The following BCL2L14 variants were observed in gnomAD, a reference collection of about 807,000 sequenced individuals.
The protein encoded by BCL2L14 is BCL2 like 14.
Under a neutral mutation model 35.3 loss-of-function variants are expected in BCL2L14, and 27 were observed. That is an observed-to-expected ratio of 0.76 (90% CI 0.56 to 1.05). The LOEUF (loss-of-function observed/expected upper bound fraction) is 1.05, where lower values mean the gene tolerates loss of function less well. Ranked by LOEUF, BCL2L14 falls within the 50% of genes least tolerant of loss-of-function variation. The pLI, the probability that BCL2L14 is intolerant of heterozygous loss-of-function variation, is 0.00. For missense variants in BCL2L14, 377 were observed against 382.6 expected (o/e 0.99, Z 0.12); for synonymous variants, 139 against 145.9 (o/e 0.95, Z 0.34).
chr12:12,062,778 C>A (rs866586733), intron 2 of BCL2L14, among the ~76,000 whole-genome samples: 1 of 152,158 alleles, frequency 6.6e-6, no homozygotes, highest in Non-Finnish European at 1.5e-5. Flanking sequence ...CACCTCTATA[C>A]AGTCTGATAA....
At chr12:12,072,146 G>GAA (rs1948681005) in intron 1 of BCL2L14, 1 of 152,270 alleles carries the variant, frequency 6.6e-6, no homozygotes, top group African/African-American at 2.4e-5. Context: ...AGCGTAACTG[G>GAA]GGCACTGGGT....
chr12:12,070,793 T>C (rs1948658054), upstream of BCL2L14: 1 of 152,176 alleles, frequency 6.6e-6, no homozygotes, highest in Non-Finnish European at 1.5e-5. Flanking sequence ...AACACCCACC[T>C]AGTTATCCCA....
intron 5 of BCL2L14, among the ~76,000 whole-genome samples, chr12:12,098,158 G>GA (rs949762019): frequency 1.3e-5 from 2 of 152,056 alleles, no homozygotes; most frequent in African/African-American, 4.8e-5. Context: ...CCCTTAACGG[G>GA]AAAAAAAGAA....
At chr12:12,091,397 A>G (rs1949185403) in intron 4 of BCL2L14, among the ~76,000 whole-genome samples, 3 of 152,206 alleles carry the variant, frequency 2.0e-5, no homozygotes, top group Admixed American at 1.3e-4. Flanking sequence ...CTTTCCAATC[A>G]GGAACGGGTG....
intron 1 of BCL2L14, among the ~76,000 whole-genome samples, chr12:12,050,293 C>T (rs531108186): frequency 5.3e-5 from 8 of 151,798 alleles, no homozygotes; most frequent in Non-Finnish European, 8.8e-5. Context: ...ATTAGCTGGG[C>T]GTGGTGGCGG....
chr12:12,095,789 A>G (rs1949301344), intron 5 of BCL2L14: 1 of 985,356 alleles, frequency 1.0e-6, no homozygotes, highest in East Asian at 1.1e-4. Flanking sequence ...AGGAAAGTGC[A>G]GCTGATCTTG....
intron 1 of BCL2L14, among the ~76,000 whole-genome samples, chr12:12,050,793 TAAA>T (rs3052084): frequency 0.33 from 28,961 of 87,800 alleles, 3,978 homozygotes; most frequent in Middle Eastern, 0.44. Context: ...GCTGATGAGC[TAAA>T]AAAAAAAAAA....
At chr12:12,075,396 C>A (rs1948757509) in intron 1 of BCL2L14, among the ~76,000 whole-genome samples, 1 of 146,130 alleles carries the variant, frequency 6.8e-6, no homozygotes, top group Non-Finnish European at 1.5e-5. Context: ...TTGTGCCCTG[C>A]CTGATATGTT....
intron 4 of BCL2L14, among the ~76,000 whole-genome samples, chr12:12,091,589 C>T (rs1440248992): frequency 1.3e-5 from 2 of 152,126 alleles, no homozygotes; most frequent in Non-Finnish European, 2.9e-5. Context: ...GAGTCAGACC[C>T]TGGGGGTGGG....
intron 1 of BCL2L14, among the ~76,000 whole-genome samples, chr12:12,074,096 T>C (rs1948728753): frequency 6.6e-6 from 1 of 152,222 alleles, no homozygotes; most frequent in Non-Finnish European, 1.5e-5. Flanking sequence ...ATTTGGGACA[T>C]ATACTAATAT....
intron 5 of BCL2L14, chr12:12,096,304 T>C (rs1949310204): frequency 2.7e-6 from 1 of 364,708 alleles, no homozygotes; most frequent in Non-Finnish European, 3.8e-6. Context: ...AACCCACTAA[T>C]GTAGCTAAAA....
At chr12:12,090,911 G>C in intron 4 of BCL2L14, 62 bp downstream of exon 4, 1 of 1,327,200 alleles carries the variant, frequency 7.5e-7, no homozygotes, top group Non-Finnish European at 1.1e-6. Flanking sequence ...ACACGAGAAT[G>C]GAATTGTATT....
rs548544326 is a variant in BCL2L14, at chr12:12,073,267, C to G, written c.-8+2130C>G. ...GCTCTCCAGGCTCTTGTGGCGGAGG[C>G]CCCCGCTCCCTCCGCTGTAGGGTAG... On this transcript the variant is annotated intron_variant, in intron 1 of 5. Coordinates refer to ENST00000308721, the MANE Select transcript of BCL2L14 (RefSeq NM_138723.2). 1.2e-3 allele frequency among the ~76,000 whole-genome samples: 189 copies of G among 152,298 alleles called. 1 individual carries two copies. The highest frequency in any genetic ancestry group is 2.1e-3 in the Non-Finnish European group (145 of 68,020).
chr12:12,087,825 T>G (rs969532732), intron 3 of BCL2L14, among the ~76,000 whole-genome samples: 1 of 152,190 alleles, frequency 6.6e-6, no homozygotes. Flanking sequence ...CCAGCTATGG[T>G]GCAAGACATG....
At chr12:12,095,954 ACTTAAGCTGC>A in intron 5 of BCL2L14, 3 of 985,308 alleles carry the variant, frequency 3.0e-6, no homozygotes, top group Non-Finnish European at 3.6e-6. Flanking sequence ...AGTATTCTAA[ACTTAAGCTGC>A]CTTAGCTTAT....
chr12:12,054,223 C>T (rs1948397979), intron 2 of BCL2L14, among the ~76,000 whole-genome samples: 1 of 152,188 alleles, frequency 6.6e-6, no homozygotes, highest in African/African-American at 2.4e-5. Context: ...CAATTAGGGG[C>T]TGGGCGCAGT....
chr12:12,078,851 C>T (rs1336169179), intron 1 of BCL2L14, among the ~76,000 whole-genome samples: 8 of 152,024 alleles, frequency 5.3e-5, no homozygotes, highest in Non-Finnish European at 1.2e-4. Flanking sequence ...GGCTGGAGTG[C>T]AGTGGCGCAA....
chr12:12,058,550 C>T (rs1948469410), intron 2 of BCL2L14, among the ~76,000 whole-genome samples: 1 of 151,966 alleles, frequency 6.6e-6, no homozygotes, highest in South Asian at 2.1e-4. Flanking sequence ...ATTCCTTCTC[C>T]TGGCTCATCC....
intron 2 of BCL2L14, among the ~76,000 whole-genome samples, chr12:12,082,229 AT>A (rs1188020062): frequency 6.6e-6 from 1 of 152,152 alleles, no homozygotes; most frequent in African/African-American, 2.4e-5. Flanking sequence ...GACTTGTTTC[AT>A]TTTTACAGCA....
Sources: allele counts gnomAD v4.1 joint callset (sites outside exome capture counted in the v4.1 genomes callset), GRCh38; gene constraint gnomAD v4.1.1; transcripts MANE v1.5; gene names NCBI Gene and HGNC (gene_info 2026-07-23, HGNC 2026-07-21).